Variants in MYOM1 observed in about 807,000 individuals in gnomAD.
MYOM1 encodes the protein myomesin-1.
A neutral mutation model predicts 205.3 loss-of-function variants in MYOM1; 164 were observed. The observed-to-expected ratio is 0.80, with a 90% CI of 0.70 to 0.91. MYOM1 has a LOEUF of 0.91. Ranked by LOEUF, MYOM1 falls within the 40% of genes least tolerant of loss-of-function variation. MYOM1 has a pLI of 0.00. For synonymous variants in MYOM1, 772 were observed against 789.4 expected (o/e 0.98, Z 0.37); for missense variants, 2,011 against 2,127.3 (o/e 0.95, Z 1.08).
intron 22 of MYOM1, 89 bp from the exon 23 acceptor site, chr18:3,102,719 T>C (rs2079397851): frequency 1.4e-6 from 2 of 1,388,398 alleles, no homozygotes; most frequent in African/African-American, 1.4e-5. Flanking sequence ...ACTTTAACCC[T>C]AAAGTAGGGC....
At chr18:3,153,843 G>C (rs1252824193) in intron 11 of MYOM1, among the ~76,000 whole-genome samples, 1 of 152,174 alleles carries the variant, frequency 6.6e-6, no homozygotes, top group Non-Finnish European at 1.5e-5. Flanking sequence ...AAAATGAAAA[G>C]AGAATTGGAA....
chr18:3,075,654 G>T (rs776354985), intron 35 of MYOM1, 71 bp downstream of exon 35: 7 of 1,516,938 alleles, frequency 4.6e-6, no homozygotes, highest in African/African-American at 1.4e-5. Context: ...ACACTCAGAG[G>T]GGCGAGCAGC....
chr18:3,174,179 C>T lies in MYOM1; in HGVS notation c.1052G>A (p.Arg351Gln), dbSNP rs369420540. 88 of 1,613,782 alleles carry T rather than the reference C, an allele frequency of 5.5e-5. No homozygotes were observed. In the African/African-American group the frequency reaches 7.5e-4, roughly 14 times the overall value. The change falls in exon 7 of 38, where the codon CGG becomes CAG. Residue 351 changes from arginine (R) to glutamine (Q), a missense_variant. Physicochemically the swap from Arg to Gln is conservative, Grantham distance 43 (BLOSUM62 1). Transcript: ENST00000356443. Reference sequence around the variant, plus strand: ...TCCTTTAACATTCATCGCCGAGGCCCGGTACTGAGCTGTATCTTCAAAATC... The same window carrying T: ...TCCTTTAACATTCATCGCCGAGGCCTGGTACTGAGCTGTATCTTCAAAATC... ...GCDFEDTAQY[R>Q]ASAMNVKGEL...
upstream of MYOM1, among the ~76,000 whole-genome samples, chr18:3,222,271 C>A (rs1445969794): frequency 6.6e-6 from 1 of 152,150 alleles, no homozygotes; most frequent in Non-Finnish European, 1.5e-5. Context: ...CAGTACATCA[C>A]CATATGTAAT....
At chr18:3,163,032 A>C (rs1567943626) in intron 10 of MYOM1, among the ~76,000 whole-genome samples, 1 of 70,734 alleles carries the variant, frequency 1.4e-5, no homozygotes, top group Non-Finnish European at 2.8e-5. Flanking sequence ...CACTCAAAAA[A>C]ACAAAAAAAA....
the MYOM1 span, among the ~76,000 whole-genome samples, chr18:3,236,156 T>C: frequency 6.6e-6 from 1 of 150,700 alleles, no homozygotes; most frequent in Non-Finnish European, 1.5e-5. Context: ...TAAGTAGAGG[T>C]GGTAGGACAC....
the MYOM1 span, among the ~76,000 whole-genome samples, chr18:3,229,976 CAAAAAA>C: frequency 0.026 from 2,053 of 79,110 alleles, 25 homozygotes; most frequent in Middle Eastern, 0.06. Flanking sequence ...AACTCCATCT[CAAAAAA>C]AAAAAAAAAA....
At chr18:3,227,776 A>G in the MYOM1 span, among the ~76,000 whole-genome samples, 1 of 152,140 alleles carries the variant, frequency 6.6e-6, no homozygotes, top group East Asian at 1.9e-4. Flanking sequence ...CCATCGAGCC[A>G]CTGCACTCTA....
intron 13 of MYOM1, among the ~76,000 whole-genome samples, chr18:3,148,570 G>A (rs1214246212): frequency 6.6e-6 from 1 of 151,934 alleles, no homozygotes; most frequent in Non-Finnish European, 1.5e-5. Context: ...GATGGTGGCC[G>A]GGCGCGGTGG....
chr18:3,113,505 A>ATT (rs71159045), intron 21 of MYOM1, among the ~76,000 whole-genome samples: 2 of 151,488 alleles, frequency 1.3e-5, no homozygotes, highest in East Asian at 1.9e-4. Context: ...CCTAAAAACA[A>ATT]TTTTTTTTAT....
At chr18:3,124,201 A>G (rs1158441374) in intron 19 of MYOM1, among the ~76,000 whole-genome samples, 2 of 151,496 alleles carry the variant, frequency 1.3e-5, no homozygotes, top group African/African-American at 4.9e-5. Flanking sequence ...GACCAGTGGA[A>G]CAGCATGGGA....
intron 5 of MYOM1, among the ~76,000 whole-genome samples, chr18:3,178,904 G>A (rs775541598): frequency 6.6e-6 from 1 of 151,134 alleles, no homozygotes; most frequent in African/African-American, 2.4e-5. Context: ...GTCTCGCTCT[G>A]TCTCCCATGC....
intron 5 of MYOM1, among the ~76,000 whole-genome samples, chr18:3,182,633 C>T (rs1004217673): frequency 6.6e-6 from 1 of 152,144 alleles, no homozygotes; most frequent in African/African-American, 2.4e-5. Flanking sequence ...AAGGCTCCCC[C>T]TCAGGGTCAA....
At chr18:3,151,650 T>G in intron 12 of MYOM1, 44 bp downstream of exon 12, 2 of 1,529,280 alleles carry the variant, frequency 1.3e-6, no homozygotes, top group South Asian at 1.2e-5. Flanking sequence ...TGCAGTCATT[T>G]TAAAAAGGTT....
chr18:3,183,899 C>T (rs1252426343), intron 5 of MYOM1, among the ~76,000 whole-genome samples: 2 of 150,212 alleles, frequency 1.3e-5, no homozygotes, highest in African/African-American at 2.5e-5. Context: ...AATCATTTTT[C>T]GTTCTCTCTC....
intron 2 of MYOM1, among the ~76,000 whole-genome samples, chr18:3,210,327 T>C (rs1189711352): frequency 1.3e-5 from 2 of 152,204 alleles, no homozygotes; most frequent in Non-Finnish European, 2.9e-5. Context: ...AGTGTGGTCT[T>C]CACCAACTCT....
the MYOM1 span, among the ~76,000 whole-genome samples, chr18:3,245,202 T>A: frequency 1.3e-5 from 2 of 152,156 alleles, no homozygotes; most frequent in Non-Finnish European, 2.9e-5. Context: ...AGAATAGAAA[T>A]CCTTGAAAAA....
upstream of MYOM1, among the ~76,000 whole-genome samples, chr18:3,221,548 C>T (rs536475850): frequency 1.3e-5 from 2 of 152,172 alleles, no homozygotes; most frequent in South Asian, 2.1e-4. Context: ...GATCACACAG[C>T]GGGTAGATGA....
chr18:3,136,744 G>A (rs1292555487), intron 14 of MYOM1, among the ~76,000 whole-genome samples: 1 of 152,054 alleles, frequency 6.6e-6, no homozygotes, highest in Non-Finnish European at 1.5e-5. Context: ...AGAATTCTTG[G>A]TCCTTTTCTT....
Sources: gnomAD v4.1 joint callset for allele counts (sites outside exome capture counted in the v4.1 genomes callset) on GRCh38, gnomAD v4.1.1 for gene constraint, MANE v1.5 for transcripts, NCBI Gene and HGNC (gene_info 2026-07-23, HGNC 2026-07-21) for gene names.